Variants in ZNF410 observed in about 807,000 individuals in gnomAD.
The protein encoded by ZNF410 is another partner for ARF 1.
In ZNF410, 18 loss-of-function variants were observed where a neutral mutation model predicts 54.8. The ratio of observed to expected loss-of-function variants is 0.33; its 90% CI spans 0.23 to 0.49. The LOEUF (loss-of-function observed/expected upper bound fraction) is 0.49. Ranked by LOEUF, ZNF410 falls within the 20% of genes least tolerant of loss-of-function variation. ZNF410 has a pLI of 0.99. For missense variants in ZNF410, 405 were observed against 569.6 expected (o/e 0.71, Z 2.94); for synonymous variants, 191 against 207.3 (o/e 0.92, Z 0.68).
At chr14:73,903,674 G>T (rs758151980) in intron 5 of ZNF410, 2 of 340,398 alleles carry the variant, frequency 5.9e-6, no homozygotes, top group South Asian at 4.4e-5. Flanking sequence ...TTGTTTGTTT[G>T]TGTTTTGTAA....
chr14:73,899,031 C>G (rs1047599181), intron 5 of ZNF410, among the ~76,000 whole-genome samples: 1 of 152,104 alleles, frequency 6.6e-6, no homozygotes, highest in African/African-American at 2.4e-5. Flanking sequence ...AGGTCTGCCT[C>G]TGTGTTTTCT....
chr14:73,921,965 CTTCTA>C, intron 9 of ZNF410, 96 bp from the exon 10 acceptor site: 1 of 1,442,480 alleles, frequency 6.9e-7, no homozygotes, highest in Non-Finnish European at 9.5e-7. Flanking sequence ...TATAGGTTAA[CTTCTA>C]GTAATGAAAG....
Position 73,931,575 on chromosome 14 carries a change from TCTGATCTCAAAATGCGTATA to T in ZNF410, c.*38_*57del. 1 of 1,604,954 alleles carries T rather than the reference TCTGATCTCAAAATGCGTATA, an allele frequency of 6.2e-7. No individual in the cohort carries two copies. Among genetic ancestry groups the T allele is most frequent in the Non-Finnish European group, 8.5e-7 (1 of 1,174,072 alleles). ...GCTGACTCCTGGAAGAGCAACTCTA[TCTGATCTCAAAATGCGTATA>T]CTGGGAACAGGATGCCTTAGCCCAC... is the stretch of plus-strand genomic sequence containing the variant. On this transcript the variant is annotated 3_prime_UTR_variant, in exon 12 of 12. Transcript: ENST00000555044.
At chr14:73,915,139 G>A (rs1481914556) in intron 8 of ZNF410, among the ~76,000 whole-genome samples, 1 of 150,392 alleles carries the variant, frequency 6.6e-6, no homozygotes, top group African/African-American at 2.4e-5. Context: ...GCTCATGACT[G>A]TAATCCCAGC....
chr14:73,903,720 G>A (rs1427685675), intron 5 of ZNF410: 9 of 489,380 alleles, frequency 1.8e-5, no homozygotes, highest in Middle Eastern at 5.4e-4. Context: ...TGCTAGTCTC[G>A]GAACACCTGG....
intron 2 of ZNF410, 109 bp downstream of exon 2, chr14:73,892,317 A>G (rs2055242430): frequency 6.4e-6 from 7 of 1,085,576 alleles, no homozygotes; most frequent in Non-Finnish European, 9.4e-6. Context: ...GATAATAAAT[A>G]TTTTAGGTTT....
intron 11 of ZNF410, among the ~76,000 whole-genome samples, chr14:73,928,593 GTATA>G (rs1223282417): frequency 6.6e-6 from 1 of 152,130 alleles, no homozygotes; most frequent in African/African-American, 2.4e-5. Context: ...GAGCATCCAT[GTATA>G]ATAGGTGCTG....
intron 6 of ZNF410, 83 bp downstream of exon 6, chr14:73,904,193 C>A (rs942414324): frequency 1.3e-6 from 2 of 1,488,732 alleles, no homozygotes; most frequent in Admixed American, 2.1e-5. Flanking sequence ...CTCAGGTTGA[C>A]AAATTACAGG....
chr14:73,893,998 T>A, intron 3 of ZNF410, 66 bp downstream of exon 3: 2 of 1,532,044 alleles, frequency 1.3e-6, no homozygotes, highest in Admixed American at 4.3e-5. Context: ...TCTATGTTAC[T>A]GGTGGAATGA....
Position 73,932,202 on chromosome 14 carries a change from TTTTG to T in ZNF410, c.*665_*668del, listed in dbSNP as rs550518747. On this transcript the variant is annotated 3_prime_UTR_variant, in exon 12 of 12. Transcript: ENST00000555044. ...TAGCATGTTAAGAGGGATTTCATGTTTTTGTTTTTTTAAAGTTAAAAATTACATG... is the reference window on the plus strand; with the variant it reads ...TAGCATGTTAAGAGGGATTTCATGTTTTTTTTTAAAGTTAAAAATTACATG... The T allele has an allele frequency of 3.6e-4, 123 of 338,156 alleles. No homozygotes were observed. The highest frequency in any genetic ancestry group is 2.8e-3 in the South Asian group (116 of 42,040). 20.9% of individuals were successfully genotyped at this position (338,156 alleles called of 1,614,324 possible).
At chr14:73,905,968 C>CATACATATATATATATATATAT (rs1555353430) in intron 7 of ZNF410, among the ~76,000 whole-genome samples, 38 of 78,928 alleles carry the variant, frequency 4.8e-4, no homozygotes, top group Non-Finnish European at 6.6e-4. Context: ...CACACACACA[C>CATACATATATATATATATATAT]ATATATATAT....
chr14:73,915,028 C>T (rs569684560), intron 8 of ZNF410, among the ~76,000 whole-genome samples: 21 of 150,956 alleles, frequency 1.4e-4, no homozygotes, highest in African/African-American at 4.8e-4. Context: ...TTTGGGAGGC[C>T]GAGTCAGGCA....
In ZNF410 at chr14:73,892,066, A is replaced by G. The variant is rs891662104; in HGVS notation, c.-110A>G. On this transcript the variant is annotated 5_prime_UTR_variant, in exon 2 of 12. Transcript: ENST00000555044. ...CCACCTAGTACAACATCTTACGGGA[A>G]GAGCATAGTATTTCCTAGAGGAATA... The G allele has an allele frequency of 1.7e-6, 2 of 1,204,820 alleles. No homozygotes were observed. Among genetic ancestry groups the G allele is most frequent in the Non-Finnish European group, 2.5e-6 (2 of 807,126 alleles). The allele number at this position is 1,204,820 out of a possible 1,614,324, so 74.6% of individuals were successfully genotyped here. A position where few individuals can be genotyped will look rare whatever the true frequency, so the allele number is the denominator to read the frequency against.
chr14:73,927,017 T>G (rs1407259621), intron 11 of ZNF410: 1 of 154,576 alleles, frequency 6.5e-6, no homozygotes, highest in Non-Finnish European at 1.4e-5. Flanking sequence ...GATCATAGCC[T>G]AGATCTATTT....
chr14:73,908,478 C>G (rs755429515), intron 7 of ZNF410, among the ~76,000 whole-genome samples: 7 of 152,014 alleles, frequency 4.6e-5, no homozygotes, highest in Non-Finnish European at 7.4e-5. Flanking sequence ...ACAATTAAAA[C>G]ATTGAAAAAA....
intron 3 of ZNF410, 32 bp downstream of exon 3, chr14:73,893,964 A>C: frequency 3.1e-6 from 5 of 1,592,702 alleles, no homozygotes; most frequent in Non-Finnish European, 4.3e-6. Context: ...AATAGGATAA[A>C]GAAGTCTTAA....
intron 11 of ZNF410, among the ~76,000 whole-genome samples, chr14:73,930,793 GC>G (rs1420481449): frequency 2.0e-5 from 3 of 152,036 alleles, no homozygotes; most frequent in Non-Finnish European, 4.4e-5. Flanking sequence ...TAGAGACAGG[GC>G]CTCACTGTGT....
intron 8 of ZNF410, among the ~76,000 whole-genome samples, chr14:73,911,101 G>A (rs980226618): frequency 2.0e-5 from 3 of 152,166 alleles, no homozygotes; most frequent in Non-Finnish European, 2.9e-5. Context: ...CTAAGTAACA[G>A]TGAATGAGGA....
intron 3 of ZNF410, among the ~76,000 whole-genome samples, chr14:73,895,570 A>G (rs1199973514): frequency 6.6e-6 from 1 of 152,180 alleles, no homozygotes; most frequent in African/African-American, 2.4e-5. Flanking sequence ...CTTCTTTTCC[A>G]CATTTCTTTT....
Sources: gnomAD v4.1 joint callset for allele counts (sites outside exome capture counted in the v4.1 genomes callset) on GRCh38, gnomAD v4.1.1 for gene constraint, MANE v1.5 for transcripts, NCBI Gene and HGNC (gene_info 2026-07-23, HGNC 2026-07-21) for gene names.